PPIH: variants seen among roughly 807,000 people sequenced by gnomAD.
The protein encoded by PPIH is peptidylprolyl isomerase H.
In PPIH, 16 loss-of-function variants were observed where a neutral mutation model predicts 27.6. The observed-to-expected ratio is 0.58, with a 90% confidence interval of 0.39 to 0.88. The LOEUF (loss-of-function observed/expected upper bound fraction) is 0.88. Ranked by LOEUF, PPIH falls within the 40% of genes least tolerant of loss-of-function variation. The pLI, the probability that PPIH is intolerant of heterozygous loss-of-function variation, is 0.00. For synonymous variants in PPIH, 63 were observed against 76.1 expected, an observed-to-expected ratio of 0.83 and a Z score of 0.90; for missense variants, 155 against 224.1, an observed-to-expected ratio of 0.69 and a Z score of 1.97.
downstream of PPIH, chr1:42,681,076 T>C (rs1241698008): frequency 6.6e-6 from 1 of 152,216 alleles, no homozygotes; most frequent in Non-Finnish European, 1.5e-5. Flanking sequence ...TCCTAACTGC[T>C]TTCTCTACTT....
chr1:42,665,662 T>C (rs1167404444), intron 6 of PPIH, among the ~76,000 whole-genome samples: 1 of 151,344 alleles, frequency 6.6e-6, no homozygotes, highest in African/African-American at 2.4e-5. Context: ...CTGGGCAACA[T>C]AGTGAGACTT....
Position 42,666,084 on chromosome 1 carries a change from T to G in PPIH, c.424+17T>G, listed in dbSNP as rs373535708. On this transcript the variant is annotated intron_variant, in intron 7 of 9. Coordinates refer to ENST00000304979, the MANE Select transcript of PPIH (RefSeq NM_006347.4). ...TGGTGTTTGGTAAGTCCTACTCCTG[T>G]CTCATGGTCCAGGCCCCATTCACCC... The G allele has an allele frequency of 2.0e-5, 33 of 1,610,770 alleles. No homozygotes were observed. The highest frequency in any genetic ancestry group is 2.6e-5 in the Non-Finnish European group (31 of 1,177,132).
At chr1:42,671,792 TAATG>T (rs1649649028) in intron 9 of PPIH, among the ~76,000 whole-genome samples, 1 of 152,108 alleles carries the variant, frequency 6.6e-6, no homozygotes, top group African/African-American at 2.4e-5. Flanking sequence ...TAAGAAAAAT[TAATG>T]AAAGAGGAGA....
At chr1:42,678,881 C>T (rs2148731671), downstream of PPIH, 1 of 152,374 alleles carries the variant, frequency 6.6e-6, no homozygotes, top group African/African-American at 2.4e-5. Flanking sequence ...TAAGTATTGA[C>T]AGGCTTTAAT....
downstream of PPIH, among the ~76,000 whole-genome samples, chr1:42,679,953 A>T (rs556178115): frequency 6.6e-6 from 1 of 152,306 alleles, no homozygotes; most frequent in South Asian, 2.1e-4. Context: ...TTCATGTTCT[A>T]CACCATGTCG....
At chr1:42,668,178 CTTTTTT>C (rs542433376) in intron 9 of PPIH, among the ~76,000 whole-genome samples, 2 of 149,130 alleles carry the variant, frequency 1.3e-5, no homozygotes, top group African/African-American at 4.9e-5. Flanking sequence ...TTTTGTTTTT[CTTTTTT>C]TTTTATTTTC....
chr1:42,671,411 G>C (rs893636208), intron 9 of PPIH, among the ~76,000 whole-genome samples: 23 of 152,150 alleles, frequency 1.5e-4, no homozygotes, highest in Non-Finnish European at 1.5e-5. Flanking sequence ...CTGGGCGACA[G>C]AGCGAGACCC....
rs190651769 is a variant in PPIH, at chr1:42,659,913, A to G, written c.200+347A>G. Among the ~76,000 whole-genome samples the G allele has an allele frequency of 6.6e-5, 10 of 152,332 alleles. No homozygotes were observed. In the East Asian group the frequency reaches 1.9e-3, roughly 29 times the overall value. Reference sequence around the variant, plus strand: ...CTAATTCCTAAAATGATCATATATGATTGTCCAAGGATAATCATATTTCCT... The same window carrying G: ...CTAATTCCTAAAATGATCATATATGGTTGTCCAAGGATAATCATATTTCCT... On this transcript the variant is annotated intron_variant, in intron 4 of 9. Coordinates refer to ENST00000304979, the MANE Select transcript of PPIH (RefSeq NM_006347.4).
rs371071325 is a variant in PPIH at position 42,660,884 on chromosome 1, C to T, written c.223C>T (p.Gln75Ter). 4 of 1,610,318 alleles carry T rather than the reference C, an allele frequency of 2.5e-6. No homozygotes were observed. The African/African-American group carries it at 4.0e-5, about 16-fold the overall frequency. Residue 75 changes from glutamine to a stop codon, truncating the protein, a stop_gained, in exon 5 of 10, where the codon CAG becomes TAG. Transcript: ENST00000304979. LOFTEE classifies it high-confidence loss of function. ...CAGGGTCATAAAGGATTTCATGATT[C>T]AGGGTGGAGATTTTGTTAATGTAAG... ...FHRVIKDFMIQGGDFVNGDGT... is the reference protein window; with the variant it reads ...FHRVIKDFMI
chr1:42,659,567 G>T lies in PPIH; in HGVS notation c.200+1G>T, dbSNP rs373151866. 20 of 1,613,284 alleles carry T rather than the reference G, an allele frequency of 1.2e-5. No homozygotes were observed. Among genetic ancestry groups the T allele is most frequent in the Non-Finnish European group, 1.6e-5 (19 of 1,179,896 alleles). ...GATACAAAGGAAGCACCTTCCACAG[G>T]TAAGGCTCTTGGCAAGCCATCCTGG... On this transcript the variant is annotated splice_donor_variant, in intron 4 of 9. Coordinates refer to ENST00000304979, the MANE Select transcript of PPIH (RefSeq NM_006347.4). LOFTEE classifies it high-confidence loss of function.
chr1:42,662,491 C>T (rs1251239186), intron 5 of PPIH, among the ~76,000 whole-genome samples: 1 of 151,674 alleles, frequency 6.6e-6, no homozygotes, highest in Non-Finnish European at 1.5e-5. Context: ...CAATTCAAGG[C>T]TGCAGTGAGC....
intron 9 of PPIH, among the ~76,000 whole-genome samples, chr1:42,670,647 T>C (rs1298872761): frequency 6.6e-6 from 1 of 151,960 alleles, no homozygotes; most frequent in Non-Finnish European, 1.5e-5. Flanking sequence ...ACAGGCCCGC[T>C]AGACCAGGAC....
In PPIH at chr1:42,658,480, G is replaced by A. The variant is rs200198906; in HGVS notation, c.34G>A (p.Val12Met). The A allele has an allele frequency of 1.9e-6, 3 of 1,614,186 alleles. No homozygotes were observed. The highest frequency in any genetic ancestry group is 1.3e-5 in the African/African-American group (1 of 75,060). Reference sequence around the variant, plus strand: ...GGCAAATTCAAGTCCTGTTAACCCCGTGGTGTTCTTTGATGTCAGTATTGG... The same window carrying A: ...GGCAAATTCAAGTCCTGTTAACCCCATGGTGTTCTTTGATGTCAGTATTGG... ...AVANSSPVNPVVFFDVSIGGQ... is the reference protein window; with the variant it reads ...AVANSSPVNPMVFFDVSIGGQ... The change falls in exon 1 of 10, where the codon GTG becomes ATG. Residue 12 changes from valine to methionine, a missense_variant. Around this residue, in one of 2 missense-constraint regions of PPIH, gnomAD observed 59 missense variants for 48.8 expected, o/e 1.21. Coordinates refer to ENST00000304979, the MANE Select transcript of PPIH (RefSeq NM_006347.4).
In PPIH at chr1:42,676,612, G is replaced by C. The variant is rs1649898968; in HGVS notation, c.*50G>C. On this transcript the variant is annotated 3_prime_UTR_variant, in exon 10 of 10. Coordinates refer to ENST00000304979, the MANE Select transcript of PPIH (RefSeq NM_006347.4). Reference sequence around the variant, plus strand: ...TTCCCTTCTTCTTGGTGGTGTTCTTGAGTAAGATAATCTGGACTGGCCCCC... The same window carrying C: ...TTCCCTTCTTCTTGGTGGTGTTCTTCAGTAAGATAATCTGGACTGGCCCCC... 6.6e-6 allele frequency: 1 copy of C among 151,956 alleles called. No homozygotes were observed. Among genetic ancestry groups the C allele is most frequent in the Non-Finnish European group, 1.5e-5 (1 of 68,076 alleles). The allele number at this position is 151,956 out of a possible 1,614,324, so 9.4% of individuals were successfully genotyped here. A position where few individuals can be genotyped will look rare whatever the true frequency, so the allele number is the denominator to read the frequency against.
intron 2 of PPIH, 60 bp downstream of exon 2, chr1:42,658,968 CGCCTGAAATA>C: frequency 6.4e-7 from 1 of 1,559,206 alleles, no homozygotes; most frequent in South Asian, 1.1e-5. Flanking sequence ...TCCAGTCAGC[CGCCTGAAATA>C]GCCTGTCTAC....
intron 9 of PPIH, among the ~76,000 whole-genome samples, chr1:42,671,669 C>A (rs72661325): frequency 0.11 from 16,662 of 152,152 alleles, 970 homozygotes; most frequent in East Asian, 0.19. Flanking sequence ...TCGCATTTCA[C>A]TTTACCAAAA....
intron 5 of PPIH, among the ~76,000 whole-genome samples, chr1:42,664,233 TTC>T (rs1434906963): frequency 6.6e-6 from 1 of 152,222 alleles, no homozygotes; most frequent in Non-Finnish European, 1.5e-5. Flanking sequence ...CTGTGTTGTG[TTC>T]TCTCTCTGTT....
chr1:42,660,951 G>C, intron 5 of PPIH, 47 bp downstream of exon 5: 1 of 1,544,358 alleles, frequency 6.5e-7, no homozygotes, highest in Non-Finnish European at 8.9e-7. Context: ...TTTAGTTTTT[G>C]TTGTTATTGT....
At chr1:42,677,972 A>C (rs758160418), downstream of PPIH, among the ~76,000 whole-genome samples, 11 of 152,242 alleles carry the variant, frequency 7.2e-5, no homozygotes, top group Non-Finnish European at 1.3e-4. Flanking sequence ...CAAAGGTAGC[A>C]AACAGCTGAA....
Sources: gnomAD v4.1 joint callset for allele counts (sites outside exome capture counted in the v4.1 genomes callset) on GRCh38, gnomAD v4.1.1 for gene constraint, gnomAD v4.1.1 regional missense constraint, MANE v1.5 for transcripts, NCBI Gene and HGNC (gene_info 2026-07-23, HGNC 2026-07-21) for gene names.